Variants in LDLRAD4 observed in about 807,000 individuals in gnomAD.
LDLRAD4 encodes the protein low-density lipoprotein receptor class A domain-containing protein 4.
LDLRAD4 carries 5 observed loss-of-function variants against 17.0 expected under a neutral mutation model. That is an observed-to-expected ratio of 0.29 (90% CI 0.15 to 0.62). The LOEUF is 0.62. LDLRAD4 is among the 20% of genes least tolerant of loss of function. The pLI is 0.84. For synonymous variants in LDLRAD4, 168 were observed against 171.8 expected, an observed-to-expected ratio of 0.98 and a Z score of 0.17; for missense variants, 340 against 424.7, an observed-to-expected ratio of 0.80 and a Z score of 1.75.
chr18:13,497,351 G>T (rs867886673), intron 3 of LDLRAD4, among the ~76,000 whole-genome samples: 4 of 151,452 alleles, frequency 2.6e-5, no homozygotes, highest in South Asian at 2.1e-4. Flanking sequence ...TAATTTGTTT[G>T]TTTTTTTTGT....
intron 1 of LDLRAD4, among the ~76,000 whole-genome samples, chr18:13,342,822 T>A (rs1218071625): frequency 6.6e-6 from 1 of 152,012 alleles, no homozygotes; most frequent in Admixed American, 6.6e-5. Context: ...AGCTTTTGAT[T>A]AGGGAGTTTA....
intron 3 of LDLRAD4, among the ~76,000 whole-genome samples, chr18:13,585,065 C>G (rs377503867): frequency 4.6e-5 from 7 of 152,216 alleles, no homozygotes; most frequent in Non-Finnish European, 7.3e-5. Context: ...GCAGACGAGG[C>G]CTTTTCCCTG....
intron 1 of LDLRAD4, among the ~76,000 whole-genome samples, chr18:13,347,152 G>C (rs1200816809): frequency 6.6e-6 from 1 of 152,184 alleles, no homozygotes; most frequent in East Asian, 1.9e-4. Flanking sequence ...AGTTGATGCA[G>C]TTTCTTCCTA....
At chr18:13,390,535 A>G (rs1301347072) in intron 2 of LDLRAD4, among the ~76,000 whole-genome samples, 2 of 151,888 alleles carry the variant, frequency 1.3e-5, no homozygotes, top group Non-Finnish European at 2.9e-5. Context: ...CTAAATCAGG[A>G]CTCTCATCCT....
At chr18:13,329,122 T>C (rs1414295876) in intron 1 of LDLRAD4, among the ~76,000 whole-genome samples, 4 of 152,222 alleles carry the variant, frequency 2.6e-5, no homozygotes, top group Non-Finnish European at 5.9e-5. Flanking sequence ...CATTATATAT[T>C]ATGTACACAT....
intron 3 of LDLRAD4, among the ~76,000 whole-genome samples, chr18:13,480,520 G>C (rs2093056550): frequency 6.6e-6 from 1 of 152,198 alleles, no homozygotes; most frequent in Admixed American, 6.5e-5. Context: ...AGACCTGTGA[G>C]AATGTACAAG....
intron 1 of LDLRAD4, chr18:13,234,862 A>C (rs9952649): frequency 0.46 from 70,416 of 152,096 alleles, 16,856 homozygotes; most frequent in African/African-American, 0.59. Context: ...TTGCCCTTCC[A>C]TTCTCTCCTC....
At chr18:13,439,610 C>T (rs1329291997) in intron 3 of LDLRAD4, among the ~76,000 whole-genome samples, 1 of 152,228 alleles carries the variant, frequency 6.6e-6, no homozygotes, top group Non-Finnish European at 1.5e-5. Flanking sequence ...TACAGCTTGC[C>T]TCTCACCTGG....
chr18:13,621,259 C>A lies in LDLRAD4; in HGVS notation c.324C>A (p.Asp108Glu). The A allele has an allele frequency of 6.2e-7, 1 of 1,612,216 alleles. No individual in the cohort carries two copies. The highest frequency in any genetic ancestry group is 8.5e-7 in the Non-Finnish European group (1 of 1,179,778). Residue 108 changes from aspartate (D) to glutamate (E), a missense_variant, in exon 4 of 6, where the codon GAC becomes GAA. Physicochemically the swap from Asp to Glu is conservative, Grantham distance 45. Coordinates refer to ENST00000359446, the Ensembl canonical transcript of LDLRAD4. This position sits in a 1 kb window ranked among gnomAD's most constrained non-coding sequence, Gnocchi z 5.5. The stretch of plus-strand genomic sequence containing the variant: ...CGAACCAGAGCCGGAGGCGGGAGGA[C>A]GGGCTGCCGCAGGTGAGTACCCTGG...
At chr18:13,276,887 T>C (rs2044907724), upstream of LDLRAD4, among the ~76,000 whole-genome samples, 1 of 152,202 alleles carries the variant, frequency 6.6e-6, no homozygotes, top group Admixed American at 6.5e-5. Context: ...ACAGTACCTT[T>C]CTGGTTATTT....
At chr18:13,439,762 G>A (rs746711133) in intron 3 of LDLRAD4, among the ~76,000 whole-genome samples, 5 of 152,218 alleles carry the variant, frequency 3.3e-5, no homozygotes, top group Non-Finnish European at 5.9e-5. Flanking sequence ...TGGGGGACTG[G>A]GAGCTGGGTG....
intron 3 of LDLRAD4, among the ~76,000 whole-genome samples, chr18:13,446,331 A>G (rs2146297033): frequency 6.6e-6 from 1 of 152,296 alleles, no homozygotes; most frequent in Middle Eastern, 3.4e-3. Flanking sequence ...GTATTTTTCC[A>G]GTAAGATAGG....
chr18:13,340,925 T>C (rs2144048774), intron 1 of LDLRAD4, among the ~76,000 whole-genome samples: 1 of 152,282 alleles, frequency 6.6e-6, no homozygotes, highest in East Asian at 1.9e-4. Context: ...AGGACAAGGG[T>C]CCAGCTTCAT....
At chr18:13,392,090 C>T (rs941637607) in intron 2 of LDLRAD4, among the ~76,000 whole-genome samples, 5 of 152,208 alleles carry the variant, frequency 3.3e-5, no homozygotes, top group African/African-American at 9.6e-5. Context: ...TCTGTTACAG[C>T]TTATAATTAA....
chr18:13,599,783 A>C (rs2148621589), intron 3 of LDLRAD4, among the ~76,000 whole-genome samples: 1 of 152,138 alleles, frequency 6.6e-6, no homozygotes, highest in African/African-American at 2.4e-5. Context: ...GAGCCACCGC[A>C]CCCGGCCGTG....
At chr18:13,373,631 G>A (rs986536756) in intron 1 of LDLRAD4, among the ~76,000 whole-genome samples, 1 of 152,182 alleles carries the variant, frequency 6.6e-6, no homozygotes, top group Non-Finnish European at 1.5e-5. Flanking sequence ...AGGAGACAGT[G>A]TATTTAGTAA....
chr18:13,469,248 G>A lies in LDLRAD4; in HGVS notation c.181+30864G>A, dbSNP rs78011980. On this transcript the variant is annotated intron_variant, in intron 3 of 5. Coordinates refer to ENST00000359446, the Ensembl canonical transcript of LDLRAD4. ...TCAGAAAATAACAAGCATTGGCAAA[G>A]ATGTGGAGAAATTGGAACCCCTTTT... 3.4e-3 allele frequency among the ~76,000 whole-genome samples: 518 copies of A among 152,336 alleles called. 4 individuals are homozygous for A. Among genetic ancestry groups the A allele is most frequent in the African/African-American group, 0.012 (490 of 41,584 alleles).
intron 1 of LDLRAD4, among the ~76,000 whole-genome samples, chr18:13,384,355 A>G (rs1216272671): frequency 6.6e-6 from 1 of 152,252 alleles, no homozygotes; most frequent in Non-Finnish European, 1.5e-5. Flanking sequence ...GCATGGTAGA[A>G]ATATTCAATT....
intron 3 of LDLRAD4, among the ~76,000 whole-genome samples, chr18:13,504,213 G>C (rs549241473): frequency 6.6e-6 from 1 of 152,152 alleles, no homozygotes. Context: ...TTGGACACCA[G>C]ATCCAAATTC....
Sources: gnomAD v4.1 joint callset for allele counts (sites outside exome capture counted in the v4.1 genomes callset) on GRCh38, gnomAD v4.1.1 for gene constraint, Gnocchi (gnomAD v3.1) non-coding constraint, MANE v1.5 for transcripts, NCBI Gene and HGNC (gene_info 2026-07-23, HGNC 2026-07-21) for gene names.